GRXCR1: variants seen among roughly 807,000 people sequenced by gnomAD.
The protein encoded by GRXCR1 is glutaredoxin domain-containing cysteine-rich protein 1.
Under a neutral mutation model 27.3 loss-of-function variants are expected in GRXCR1, and 27 were observed. The ratio of observed to expected loss-of-function variants is 0.99; its 90% CI spans 0.73 to 1.37. The LOEUF is 1.37. Among genes scored for constraint, GRXCR1 ranks in the 40% most tolerant of loss-of-function variants. The probability of loss-of-function intolerance (pLI) is 0.00; values close to 1 mark genes in which losing one functional copy is unlikely to be tolerated. For missense variants in GRXCR1, 379 were observed against 354.4 expected (o/e 1.07, Z -0.56); for synonymous variants, 122 against 131.1 (o/e 0.93, Z 0.47).
intron 2 of GRXCR1, among the ~76,000 whole-genome samples, chr4:42,987,252 T>TATAATATATATATA (rs1711790944): frequency 1.2e-5 from 1 of 82,334 alleles, no homozygotes; most frequent in Non-Finnish European, 2.3e-5. Flanking sequence ...ATATATAATA[T>TATAATATATATATA]ATATATATAA....
At chr4:42,905,234 A>G (rs2109741210) in intron 1 of GRXCR1, among the ~76,000 whole-genome samples, 1 of 152,322 alleles carries the variant, frequency 6.6e-6, no homozygotes, top group East Asian at 1.9e-4. Flanking sequence ...GCTCTGCTGC[A>G]GTTGGCTCTA....
At chr4:42,974,190 A>G (rs746662915) in intron 2 of GRXCR1, among the ~76,000 whole-genome samples, 4 of 152,024 alleles carry the variant, frequency 2.6e-5, no homozygotes, top group Non-Finnish European at 5.9e-5. Flanking sequence ...TTTTAAGTGG[A>G]TCATGGAGGG....
Position 43,020,777 on chromosome 4 carries a change from T to C in GRXCR1, c.693+358T>C, listed in dbSNP as rs192134907. 9.2e-5 allele frequency among the ~76,000 whole-genome samples: 14 copies of C among 152,306 alleles called. No individual in the cohort carries two copies. In the East Asian group the frequency reaches 2.5e-3, roughly 27 times the overall value. ...TTTTTCCCATGGATCTTCCTACATA[T>C]AGAAGAGCTTACTACATCATTTATA... On this transcript the variant is annotated intron_variant, in intron 3 of 3. Coordinates refer to ENST00000399770, the MANE Select transcript of GRXCR1 (RefSeq NM_001080476.3).
chr4:42,972,598 A>C (rs1202466480), intron 2 of GRXCR1, among the ~76,000 whole-genome samples: 1 of 152,200 alleles, frequency 6.6e-6, no homozygotes, highest in African/African-American at 2.4e-5. Context: ...TTTGAATGTC[A>C]TACTCTGCTA....
chr4:42,987,240 TAA>T lies in GRXCR1; in HGVS notation c.627+24107_627+24108del, dbSNP rs1560676858. On this transcript the variant is annotated intron_variant, in intron 2 of 3. Transcript: ENST00000399770. ...ATATATATTATATATTATATATATA[TAA>T]TATATAATATATATATATAATATAT... Among the ~76,000 whole-genome samples, 330 of 63,084 alleles carry T rather than the reference TAA, an allele frequency of 5.2e-3. 3 individuals are homozygous for T. Among genetic ancestry groups the T allele is most frequent in the African/African-American group, 0.015 (294 of 19,340 alleles). 41.4% of individuals were successfully genotyped at this position (63,084 alleles called of 152,430 possible).
At chr4:42,913,350 A>G (rs943708507) in intron 1 of GRXCR1, among the ~76,000 whole-genome samples, 6 of 152,178 alleles carry the variant, frequency 3.9e-5, no homozygotes, top group African/African-American at 1.4e-4. Context: ...GAGATTGACA[A>G]TGAAGTCCAG....
intron 1 of GRXCR1, among the ~76,000 whole-genome samples, chr4:42,922,330 G>A (rs1032652096): frequency 6.6e-6 from 1 of 151,968 alleles, no homozygotes; most frequent in African/African-American, 2.4e-5. Flanking sequence ...CACACTAACC[G>A]TGACCTCCTA....
intron 1 of GRXCR1, among the ~76,000 whole-genome samples, chr4:42,940,680 A>G (rs28660671): frequency 0.013 from 1,944 of 152,206 alleles, 48 homozygotes; most frequent in African/African-American, 0.044. Context: ...TTCTGAGCCT[A>G]TATTAGCTTT....
At position 43,029,606 on chromosome 4, in the gene GRXCR1, C is replaced by T. The variant is rs74854317; in HGVS notation, c.694-755C>T. On this transcript the variant is annotated intron_variant, in intron 3 of 3. Coordinates refer to ENST00000399770, the MANE Select transcript of GRXCR1 (RefSeq NM_001080476.3). ...AAAAGTATTACTCTCAACACACTATCGGGCTATTTTCATTCTATTATCAGA... is the reference window on the plus strand; with the variant it reads ...AAAAGTATTACTCTCAACACACTATTGGGCTATTTTCATTCTATTATCAGA... 6.1e-3 allele frequency among the ~76,000 whole-genome samples: 930 copies of T among 152,236 alleles called. 5 individuals are homozygous for T. The highest frequency in any genetic ancestry group is 0.021 in the African/African-American group (855 of 41,536).
chr4:42,978,926 G>A lies in GRXCR1; in HGVS notation c.627+15792G>A, dbSNP rs77148876. The stretch of plus-strand genomic sequence containing the variant: ...TGAGTGAGTTCTCACGAGATCTGAT[G>A]GTTTTGTAAGGGACTCTTCCCTCTT... On this transcript the variant is annotated intron_variant, in intron 2 of 3. Coordinates refer to ENST00000399770, the MANE Select transcript of GRXCR1 (RefSeq NM_001080476.3). Among the ~76,000 whole-genome samples the A allele has an allele frequency of 3.1e-3, 469 of 152,014 alleles. 3 individuals are homozygous for A. Among genetic ancestry groups the A allele is most frequent in the Non-Finnish European group, 4.7e-3 (318 of 67,936 alleles).
intron 1 of GRXCR1, among the ~76,000 whole-genome samples, chr4:42,912,419 A>T (rs1448901278): frequency 6.6e-6 from 1 of 152,224 alleles, no homozygotes; most frequent in Non-Finnish European, 1.5e-5. Context: ...GAAATGTTCA[A>T]AGAAGTATGT....
At chr4:42,974,311 A>T (rs543900413) in intron 2 of GRXCR1, among the ~76,000 whole-genome samples, 12 of 152,220 alleles carry the variant, frequency 7.9e-5, no homozygotes, top group Non-Finnish European at 1.2e-4. Flanking sequence ...CCTTTATTAG[A>T]CCTGCTGAAG....
intron 2 of GRXCR1, among the ~76,000 whole-genome samples, chr4:43,005,896 A>T (rs539554423): frequency 6.6e-6 from 1 of 152,342 alleles, no homozygotes; most frequent in Admixed American, 6.5e-5. Context: ...TACAGTGTTG[A>T]ATTAAATATT....
At position 43,021,893 on chromosome 4, in the gene GRXCR1, G is replaced by A. The variant is rs539312122; in HGVS notation, c.693+1474G>A. On this transcript the variant is annotated intron_variant, in intron 3 of 3. Transcript: ENST00000399770. ...AAGTATTATGACTTGGAAATCAGAA[G>A]ATTTTTAGCTCCTTCCTCAGCTCTG... 1.7e-3 allele frequency among the ~76,000 whole-genome samples: 262 copies of A among 152,248 alleles called. 2 individuals carry two copies. Among genetic ancestry groups the A allele is most frequent in the Non-Finnish European group, 3.1e-3 (212 of 67,992 alleles).
At chr4:42,963,910 C>A (rs2109775610) in intron 2 of GRXCR1, among the ~76,000 whole-genome samples, 1 of 152,086 alleles carries the variant, frequency 6.6e-6, no homozygotes, top group South Asian at 2.1e-4. Flanking sequence ...CAGATGGATA[C>A]TTGGATCTTG....
At chr4:42,943,817 C>T (rs546872914) in intron 1 of GRXCR1, among the ~76,000 whole-genome samples, 1 of 152,066 alleles carries the variant, frequency 6.6e-6, no homozygotes, top group African/African-American at 2.4e-5. Context: ...TATATAGAGA[C>T]ATTTTTGGTT....
intron 1 of GRXCR1, 24 bp from the exon 2 acceptor site, chr4:42,962,868 T>A: frequency 6.2e-7 from 1 of 1,611,782 alleles, no homozygotes; most frequent in Non-Finnish European, 8.5e-7. Context: ...CAAACATTCT[T>A]ACAACTCAAT....
chr4:42,954,067 T>A (rs190344462), intron 1 of GRXCR1, among the ~76,000 whole-genome samples: 1 of 152,288 alleles, frequency 6.6e-6, no homozygotes, highest in Admixed American at 6.5e-5. Context: ...AGTATCCATA[T>A]GCACTAGGTT....
chr4:42,946,318 T>C (rs1273717663), intron 1 of GRXCR1, among the ~76,000 whole-genome samples: 1 of 152,210 alleles, frequency 6.6e-6, no homozygotes, highest in Non-Finnish European at 1.5e-5. Flanking sequence ...TGAGATTTTG[T>C]TGGCTTGCTT....
Sources: allele counts gnomAD v4.1 joint callset (sites outside exome capture counted in the v4.1 genomes callset), GRCh38; gene constraint gnomAD v4.1.1; transcripts MANE v1.5; gene names NCBI Gene and HGNC (gene_info 2026-07-23, HGNC 2026-07-21).